Variants in NCAN observed in about 807,000 individuals in gnomAD.
The protein encoded by NCAN is neurocan core protein.
NCAN carries 47 observed loss-of-function variants against 121.8 expected under a neutral mutation model. The observed-to-expected ratio is 0.39, with a 90% CI of 0.31 to 0.49. NCAN has a LOEUF of 0.49. NCAN is among the 20% of genes least tolerant of loss of function. NCAN has a pLI of 0.92. For synonymous variants in NCAN, 633 were observed against 702.0 expected, an observed-to-expected ratio of 0.90 and a Z score of 1.55; for missense variants, 1,517 against 1,773.4, an observed-to-expected ratio of 0.86 and a Z score of 2.60.
chr19:19,223,304 T>C (rs1177473724), intron 3 of NCAN, among the ~76,000 whole-genome samples: 1 of 152,140 alleles, frequency 6.6e-6, no homozygotes, highest in African/African-American at 2.4e-5. Flanking sequence ...AAGAGTGCTA[T>C]CTTTGGAGTC....
At chr19:19,236,966 G>A (rs755364059) in intron 10 of NCAN, among the ~76,000 whole-genome samples, 4 of 151,978 alleles carry the variant, frequency 2.6e-5, no homozygotes, top group African/African-American at 4.8e-5. Context: ...CTAGGCTGGA[G>A]TGAAGTGGTG....
Position 19,249,811 on chromosome 19 carries a change from A to G in NCAN, c.3866A>G (p.His1289Arg). 5 of 1,612,580 alleles carry G rather than the reference A, an allele frequency of 3.1e-6. No individual in the cohort carries two copies. Among genetic ancestry groups the G allele is most frequent in the Non-Finnish European group, 4.2e-6 (5 of 1,179,596 alleles). Reference protein sequence around the residue: ...RMRRHHHHHQHHHQHHHHKSR... With the variant: ...RMRRHHHHHQRHHQHHHHKSR... ...CGGCGACACCACCACCACCACCAAC[A>G]CCACCACCAGCATCACCACCACAAA... The change falls in exon 15 of 15, where the codon CAC (histidine) becomes CGC (arginine). Residue 1289 changes from histidine to arginine, a missense_variant. Physicochemically the swap from His to Arg is conservative, Grantham distance 29. Transcript: ENST00000252575.
chr19:19,220,490 C>T (rs2060812679), intron 3 of NCAN, among the ~76,000 whole-genome samples: 1 of 114,502 alleles, frequency 8.7e-6, no homozygotes, highest in Non-Finnish European at 1.7e-5. Flanking sequence ...GGGAGTCTCG[C>T]TCTGTCTCCC....
chr19:19,224,816 A>G (rs1049625734), intron 5 of NCAN, among the ~76,000 whole-genome samples, 161 bp from the exon 6 acceptor site: 1 of 152,180 alleles, frequency 6.6e-6, no homozygotes, highest in Admixed American at 6.5e-5. Flanking sequence ...AGGTAAGGAC[A>G]AGGATGATCC....
intron 2 of NCAN, among the ~76,000 whole-genome samples, chr19:19,217,718 G>C (rs2060800817): frequency 6.6e-6 from 1 of 152,192 alleles, no homozygotes; most frequent in Non-Finnish European, 1.5e-5. Flanking sequence ...TAGGCACAGT[G>C]GTTTATGCCT....
chr19:19,245,785 ATT>A (rs111384721), intron 13 of NCAN, among the ~76,000 whole-genome samples: 2 of 146,678 alleles, frequency 1.4e-5, no homozygotes, highest in African/African-American at 2.5e-5. Flanking sequence ...GCCTTGATTC[ATT>A]TTTTTTTTTC....
Position 19,225,287 on chromosome 19 carries a change from G to T in NCAN, c.1072+17G>T. 6.6e-7 allele frequency: 1 copy of T among 1,509,024 alleles called. No individual in the cohort carries two copies. 93.5% of individuals were successfully genotyped at this position (1,509,024 alleles called of 1,614,324 possible). On this transcript the variant is annotated intron_variant, in intron 6 of 14. Coordinates refer to ENST00000252575, the MANE Select transcript of NCAN (RefSeq NM_004386.3). The surrounding 1 kb of genome is among the most constrained non-coding windows in gnomAD (Gnocchi z 4.0). Reference sequence around the variant, plus strand: ...GCTTCCGAGGTGCGTGCGTCCCCTGGTGGCCGCGCCCCCAGGGCTTTCACT... The same window carrying T: ...GCTTCCGAGGTGCGTGCGTCCCCTGTTGGCCGCGCCCCCAGGGCTTTCACT...
Position 19,226,703 on chromosome 19 carries a change from C to T in NCAN, c.1290C>T (p.Ser430=), listed in dbSNP as rs932982009. The T allele has an allele frequency of 1.9e-6, 3 of 1,612,744 alleles. No homozygotes were observed. Among genetic ancestry groups the T allele is most frequent in the Non-Finnish European group, 2.5e-6 (3 of 1,179,158 alleles). Residue 430 remains serine, a synonymous_variant, in exon 7 of 15, where the codon AGC becomes AGT. Coordinates refer to ENST00000252575, the MANE Select transcript of NCAN (RefSeq NM_004386.3). ...EEKQESQQTL[S]PTPGDPMLAS... ...AGCAGGAGTCTCAACAGACCCTCAG[C>T]CCTACCCCTGGGGACCCCATGCTGG...
intron 12 of NCAN, among the ~76,000 whole-genome samples, chr19:19,241,020 A>G (rs967711437): frequency 6.6e-6 from 1 of 152,130 alleles, no homozygotes; most frequent in Non-Finnish European, 1.5e-5. Flanking sequence ...CATGCCTGTA[A>G]TCCCAGCACT....
At chr19:19,219,964 T>C (rs1266466729) in intron 3 of NCAN, among the ~76,000 whole-genome samples, 1 of 151,508 alleles carries the variant, frequency 6.6e-6, no homozygotes, top group Non-Finnish European at 1.5e-5. Flanking sequence ...AAGGTGGAGG[T>C]TGCAGTGAGC....
At chr19:19,217,221 C>T (rs1333705839) in intron 2 of NCAN, among the ~76,000 whole-genome samples, 195 bp downstream of exon 2, 2 of 152,186 alleles carry the variant, frequency 1.3e-5, no homozygotes, top group African/African-American at 4.8e-5. Flanking sequence ...TCATTGTCAG[C>T]AGAAGCTGGA....
rs376853023 is a variant in NCAN at position 19,238,228 on chromosome 19, C to G, written c.3251-25C>G. 249 of 1,613,718 alleles carry G rather than the reference C, an allele frequency of 1.5e-4. 1 individual carries two copies. The African/African-American group carries it at 3.1e-3, about 20-fold the overall frequency. On this transcript the variant is annotated intron_variant, in intron 10 of 14. Coordinates refer to ENST00000252575, the MANE Select transcript of NCAN (RefSeq NM_004386.3). ...GGCCTTGGGCCAAGGCCAGCCCCCC[C>G]TCACGCTCCTATCCCATCTCCCAGA...
chr19:19,230,438 C>T (rs1213309025), intron 8 of NCAN, among the ~76,000 whole-genome samples: 3 of 142,930 alleles, frequency 2.1e-5, no homozygotes, highest in Non-Finnish European at 4.5e-5. Flanking sequence ...GGGTCTCACT[C>T]TGTCACCTAG....
At position 19,227,506 on chromosome 19, in the gene NCAN, A is replaced by G. The variant is rs201315418; in HGVS notation, c.1886A>G (p.Asp629Gly). 3.7e-6 allele frequency: 6 copies of G among 1,613,518 alleles called. No homozygotes were observed. In the Admixed American group the frequency reaches 8.3e-5, roughly 22 times the overall value. The change falls in exon 8 of 15, where the codon GAT becomes GGT. Residue 629 changes from aspartate to glycine, a missense_variant. By Grantham distance (94) the Asp-to-Gly change is moderately conservative (BLOSUM62 -1). Transcript: ENST00000252575. The surrounding 1 kb of genome is among the most constrained non-coding windows in gnomAD (Gnocchi z 4.2). ...GCATTCCCTGTGGCCACCTCCCCAG[A>G]TCTCCCTATGATGGCCATGCTGCGT... ...WEAFPVATSP[D>G]LPMMAMLRGP...
chr19:19,212,373 G>T lies in NCAN; in HGVS notation c.-8+309G>T, dbSNP rs1346278122. ...GGAGCAATGGGAAACAGGGCTAGGG[G>T]AGGGGCCCCCCGAGTTTGGAGGGAA... On this transcript the variant is annotated intron_variant, in intron 1 of 14. Coordinates refer to ENST00000252575, the MANE Select transcript of NCAN (RefSeq NM_004386.3). This position sits in a 1 kb window ranked among gnomAD's most constrained non-coding sequence, Gnocchi z 4.5. Among the ~76,000 whole-genome samples the T allele has an allele frequency of 6.6e-6, 1 of 152,182 alleles. No homozygotes were observed. Among genetic ancestry groups the T allele is most frequent in the East Asian group, 1.9e-4 (1 of 5,184 alleles).
chr19:19,241,414 C>T (rs2060902910), intron 12 of NCAN, among the ~76,000 whole-genome samples: 4 of 151,898 alleles, frequency 2.6e-5, no homozygotes, highest in Admixed American at 1.3e-4. Context: ...GGTGACAGAG[C>T]GAGACCCTGT....
At chr19:19,231,839 G>C (rs562173758) in intron 8 of NCAN, among the ~76,000 whole-genome samples, 1 of 151,924 alleles carries the variant, frequency 6.6e-6, no homozygotes, top group Admixed American at 6.6e-5. Context: ...AAAATTAGCC[G>C]GGCATGGTGG....
rs770807677 is a variant in NCAN, at chr19:19,225,065, G to T, written c.867G>T (p.Ser289=). The T allele has an allele frequency of 6.6e-7, 1 of 1,523,284 alleles. No homozygotes were observed. Among genetic ancestry groups the T allele is most frequent in the South Asian group, 1.2e-5 (1 of 83,128 alleles). The allele number at this position is 1,523,284 out of a possible 1,614,324, so 94.4% of individuals were successfully genotyped here. ...GCCGCCAGGGTGCCGCGCTGGCCTC[G>T]GTGGGACAGCTGCACCTGGCCTGGC... ...QCRRQGAALA[S]VGQLHLAWHE... Residue 289 remains serine (S), a synonymous_variant, in exon 6 of 15, where the codon TCG becomes TCT. Transcript: ENST00000252575. This position sits in a 1 kb window ranked among gnomAD's most constrained non-coding sequence, Gnocchi z 4.0.
chr19:19,245,860 G>A (rs2060922610), intron 13 of NCAN, among the ~76,000 whole-genome samples: 1 of 152,042 alleles, frequency 6.6e-6, no homozygotes, highest in South Asian at 2.1e-4. Context: ...CCAGGGGCTA[G>A]GGTTTGGGAG....
Sources: gnomAD v4.1 joint callset for allele counts (sites outside exome capture counted in the v4.1 genomes callset) on GRCh38, gnomAD v4.1.1 for gene constraint, Gnocchi (gnomAD v3.1) non-coding constraint, MANE v1.5 for transcripts, NCBI Gene and HGNC (gene_info 2026-07-23, HGNC 2026-07-21) for gene names.